MAB21L4: variants seen among roughly 807,000 people sequenced by gnomAD.
MAB21L4 encodes the protein protein mab-21-like 4.
A neutral mutation model predicts 32.4 loss-of-function variants in MAB21L4; 25 were observed. The observed-to-expected ratio is 0.77, with a 90% CI of 0.56 to 1.08. MAB21L4 has a LOEUF of 1.08. MAB21L4 is among the 50% of genes least tolerant of loss of function. MAB21L4 has a pLI of 0.00. For missense variants in MAB21L4, 638 were observed against 611.0 expected, an observed-to-expected ratio of 1.04 and a Z score of -0.47; for synonymous variants, 280 against 276.8, an observed-to-expected ratio of 1.01 and a Z score of -0.11.
At chr2:240,887,291 T>G in intron 4 of MAB21L4, 129 bp from the exon 5 acceptor site, 1 of 721,270 alleles carries the variant, frequency 1.4e-6, no homozygotes, top group Non-Finnish European at 2.4e-6. Context: ...CTGCCCCGGG[T>G]ATCTGCCTGG....
intron 1 of MAB21L4, among the ~76,000 whole-genome samples, chr2:240,894,573 G>A (rs2059174559): frequency 6.6e-6 from 1 of 152,242 alleles, no homozygotes; most frequent in Non-Finnish European, 1.5e-5. Context: ...GAGAGGCCCA[G>A]GTGGGCGGAT....
Position 240,895,668 on chromosome 2 carries a change from G to T in MAB21L4, c.330C>A (p.His110Gln), listed in dbSNP as rs375087355. The stretch of plus-strand genomic sequence containing the variant: ...CAGCCCCTTCCCTGGGCACACCCAG[G>T]TGGCATAATTCAAGGCCATCCTCCG... ...TQPEDGLELC[H>Q]LGVPREGAGL... Residue 110 changes from histidine to glutamine, a missense_variant, in exon 1 of 5, where the codon CAC becomes CAA. His to Gln is a conservative substitution (Grantham distance 24). Transcript: ENST00000388934. 3 of 1,612,942 alleles carry T rather than the reference G, an allele frequency of 1.9e-6. No individual in the cohort carries two copies. The Admixed American group carries it at 5.0e-5, about 27-fold the overall frequency.
At chr2:240,887,586 G>A (rs2059106666) in intron 4 of MAB21L4, among the ~76,000 whole-genome samples, 2 of 152,264 alleles carry the variant, frequency 1.3e-5, no homozygotes, top group African/African-American at 4.8e-5. Flanking sequence ...CTCAACAGGC[G>A]GAAGTTTGCT....
Position 240,886,668 on chromosome 2 carries a change from C to T in MAB21L4, c.*402G>A. On this transcript the variant is annotated 3_prime_UTR_variant, in exon 5 of 5. Coordinates refer to ENST00000388934, the MANE Select transcript of MAB21L4 (RefSeq NM_001085437.3). ...ATACAAAAAGTGGACAGTACCCTTTCTGCTGTGTATACCCAGCACATTCAT... is the reference window on the plus strand; with the variant it reads ...ATACAAAAAGTGGACAGTACCCTTTTTGCTGTGTATACCCAGCACATTCAT... 6.0e-6 allele frequency: 1 copy of T among 166,154 alleles called. No individual in the cohort carries two copies. Among genetic ancestry groups the T allele is most frequent in the Non-Finnish European group, 1.3e-5 (1 of 77,430 alleles). 10.3% of individuals were successfully genotyped at this position (166,154 alleles called of 1,614,324 possible).
At chr2:240,888,682 G>T in intron 3 of MAB21L4, 34 bp from the exon 4 acceptor site, 1 of 1,394,870 alleles carries the variant, frequency 7.2e-7, no homozygotes, top group South Asian at 1.5e-5. Flanking sequence ...TGGCCTCCTG[G>T]CCCACCCGGC....
In MAB21L4 at chr2:240,889,889, C is replaced by T. The variant is rs553000017; in HGVS notation, c.894+116G>A. 4.8e-6 allele frequency: 6 copies of T among 1,250,904 alleles called. No individual in the cohort carries two copies. In the East Asian group the frequency reaches 1.3e-4, roughly 27 times the overall value. The allele number at this position is 1,250,904 out of a possible 1,614,324, so 77.5% of individuals were successfully genotyped here. A position where few individuals can be genotyped will look rare whatever the true frequency, so the allele number is the denominator to read the frequency against. ...CAGGCCCTCAGAATCCCCCCAACTC[C>T]GACTTGGGACTCATAGCAGCTGCCT... On this transcript the variant is annotated intron_variant, in intron 3 of 4. Coordinates refer to ENST00000388934, the MANE Select transcript of MAB21L4 (RefSeq NM_001085437.3).
chr2:240,888,470 A>G lies in MAB21L4; in HGVS notation c.1073T>C (p.Ile358Thr). Reference sequence around the variant, plus strand: ...GGCGAAGCCCTCCACGCGCTGGTAGATGGCACCAAGGTCCAGGCCGCTGCC... The same window carrying G: ...GGCGAAGCCCTCCACGCGCTGGTAGGTGGCACCAAGGTCCAGGCCGCTGCC... ...LQGSGLDLGAIYQRVEGFASQ... is the reference protein window; with the variant it reads ...LQGSGLDLGATYQRVEGFASQ... The change falls in exon 4 of 5, where the codon ATC becomes ACC. Residue 358 changes from isoleucine (I) to threonine (T), a missense_variant. By Grantham distance (89) the Ile-to-Thr change is moderately conservative. Coordinates refer to ENST00000388934, the MANE Select transcript of MAB21L4 (RefSeq NM_001085437.3). 6.3e-7 allele frequency: 1 copy of G among 1,595,800 alleles called. No individual in the cohort carries two copies. Among genetic ancestry groups the G allele is most frequent in the Non-Finnish European group, 8.5e-7 (1 of 1,173,684 alleles).
chr2:240,891,652 A>T lies in MAB21L4; in HGVS notation c.626T>A (p.Leu209His). ...FHVVPVVRRK[L>H]GAPALEGVQQ... ...CACCCCCTCCAGGGCAGGCGCCCCA[A>T]GCTTCCTTCTCACCACGGGCACCAC... Residue 209 changes from leucine (L) to histidine (H), a missense_variant, in exon 2 of 5, where the codon CTT becomes CAT. By Grantham distance (99) the Leu-to-His change is moderately conservative (BLOSUM62 -3). Coordinates refer to ENST00000388934, the MANE Select transcript of MAB21L4 (RefSeq NM_001085437.3). 6.2e-7 allele frequency: 1 copy of T among 1,609,146 alleles called. No individual in the cohort carries two copies. The highest frequency in any genetic ancestry group is 1.7e-5 in the Admixed American group (1 of 60,016).
intron 3 of MAB21L4, 127 bp downstream of exon 3, chr2:240,889,878 C>T: frequency 1.8e-6 from 2 of 1,135,882 alleles, no homozygotes; most frequent in East Asian, 2.6e-5. Context: ...CCCTCAGAAT[C>T]CCCCCAACTC....
At chr2:240,890,408 C>T (rs1403438422) in intron 2 of MAB21L4, among the ~76,000 whole-genome samples, 2 of 152,226 alleles carry the variant, frequency 1.3e-5, no homozygotes. Context: ...CCAGTCCGGC[C>T]CTTTGTGTAG....
intron 4 of MAB21L4, 95 bp downstream of exon 4, chr2:240,888,197 G>T: frequency 9.6e-7 from 1 of 1,038,184 alleles, no homozygotes; most frequent in Non-Finnish European, 1.4e-6. Context: ...TGGGGCTGCT[G>T]ACCTGGGAGA....
chr2:240,893,492 ACTGCCCGTGAC>A (rs1311463672), intron 1 of MAB21L4, among the ~76,000 whole-genome samples: 2 of 152,194 alleles, frequency 1.3e-5, no homozygotes, highest in Non-Finnish European at 2.9e-5. Context: ...ACGCACGCTC[ACTGCCCGTGAC>A]CTGGCAGCTT....
Position 240,895,539 on chromosome 2 carries a change from C to T in MAB21L4, c.459G>A (p.Lys153=), listed in dbSNP as rs1325181244. ...GTACGATGGCTGCTACCAGCAGGTC[C>T]TTGAGGACACACAGGACCTTGCTGG... is the stretch of plus-strand genomic sequence containing the variant. ...IVPSKVLCVL[K]DLLVAAIVHC... The change falls in exon 1 of 5, where the codon AAG becomes AAA. Residue 153 remains lysine, a synonymous_variant. Coordinates refer to ENST00000388934, the MANE Select transcript of MAB21L4 (RefSeq NM_001085437.3). 6.2e-7 allele frequency: 1 copy of T among 1,605,826 alleles called. No individual in the cohort carries two copies. The highest frequency in any genetic ancestry group is 8.5e-7 in the Non-Finnish European group (1 of 1,175,944).
At chr2:240,894,587 C>G (rs1213304759) in intron 1 of MAB21L4, among the ~76,000 whole-genome samples, 3 of 152,198 alleles carry the variant, frequency 2.0e-5, no homozygotes, top group Non-Finnish European at 4.4e-5. Context: ...GGCGGATCAT[C>G]TGAAGTCAGA....
Position 240,896,148 on chromosome 2 carries a change from C to T in MAB21L4, c.-151G>A. The T allele has an allele frequency of 7.4e-7, 1 of 1,346,190 alleles. No individual in the cohort carries two copies. Among genetic ancestry groups the T allele is most frequent in the Non-Finnish European group, 9.5e-7 (1 of 1,056,034 alleles). The allele number at this position is 1,346,190 out of a possible 1,614,324, so 83.4% of individuals were successfully genotyped here. ...CCCACACAGCAGAATTCCAGAGTGACAGCACAGTGTGGCAGGTGAAATAGC... is the reference window on the plus strand; with the variant it reads ...CCCACACAGCAGAATTCCAGAGTGATAGCACAGTGTGGCAGGTGAAATAGC... On this transcript the variant is annotated 5_prime_UTR_variant, in exon 1 of 5. Transcript: ENST00000388934.
chr2:240,890,845 T>C (rs879915960), intron 2 of MAB21L4, among the ~76,000 whole-genome samples: 3 of 152,226 alleles, frequency 2.0e-5, no homozygotes, highest in Non-Finnish European at 4.4e-5. Context: ...TCCACAAGCT[T>C]GGACGCCGCC....
chr2:240,890,248 G>A (rs2059132582), intron 2 of MAB21L4, 90 bp from the exon 3 acceptor site: 1 of 1,475,398 alleles, frequency 6.8e-7, no homozygotes, highest in East Asian at 2.4e-5. Flanking sequence ...TCGGGCCCTG[G>A]CCAGGGTCGT....
chr2:240,890,004 C>G lies in MAB21L4; in HGVS notation c.894+1G>C. 1 of 1,606,616 alleles carries G rather than the reference C, an allele frequency of 6.2e-7. No individual in the cohort carries two copies. Among genetic ancestry groups the G allele is most frequent in the Non-Finnish European group, 8.5e-7 (1 of 1,174,568 alleles). The stretch of plus-strand genomic sequence containing the variant: ...AACCCGCCGAGTCCCGCCCTGGGTA[C>G]CTTCAGGTGGCCAAAGGTCAGGCCG... On this transcript the variant is annotated splice_donor_variant, in intron 3 of 4. Coordinates refer to ENST00000388934, the MANE Select transcript of MAB21L4 (RefSeq NM_001085437.3). LOFTEE classifies it high-confidence loss of function.
chr2:240,891,904 G>A (rs757094697), intron 1 of MAB21L4, 141 bp from the exon 2 acceptor site: 1 of 1,574,746 alleles, frequency 6.4e-7, no homozygotes, highest in Admixed American at 1.8e-5. Flanking sequence ...CCCACCTGCA[G>A]GCTGCAGCTC....
Sources: allele counts gnomAD v4.1 joint callset (sites outside exome capture counted in the v4.1 genomes callset), GRCh38; gene constraint gnomAD v4.1.1; transcripts MANE v1.5; gene names NCBI Gene and HGNC (gene_info 2026-07-23, HGNC 2026-07-21).